Variants in TACC2 observed in about 807,000 individuals in gnomAD.
TACC2 encodes transforming acidic coiled-coil-containing protein 2.
Under a neutral mutation model 227.3 loss-of-function variants are expected in TACC2, and 137 were observed. That is an observed-to-expected ratio of 0.60 (90% confidence interval 0.52 to 0.69). The LOEUF (loss-of-function observed/expected upper bound fraction) is 0.69. Among genes scored for constraint, TACC2 ranks in the 30% least tolerant of loss-of-function variants. The pLI, the probability that TACC2 is intolerant of heterozygous loss-of-function variation, is 0.00. For missense variants in TACC2, 3,470 were observed against 3,694.4 expected, an observed-to-expected ratio of 0.94 and a Z score of 1.57; for synonymous variants, 1,523 against 1,487.5, an observed-to-expected ratio of 1.02 and a Z score of -0.55.
intron 1 of TACC2, among the ~76,000 whole-genome samples, chr10:122,007,735 A>G (rs748088428): frequency 2.6e-5 from 4 of 151,780 alleles, no homozygotes; most frequent in Admixed American, 6.6e-5. Context: ...TCTTTTCCCC[A>G]TTTAACACTG....
intron 2 of TACC2, among the ~76,000 whole-genome samples, chr10:122,027,548 G>A (rs887547888): frequency 1.3e-5 from 2 of 151,974 alleles, no homozygotes; most frequent in African/African-American, 4.8e-5. Context: ...AGGCATATTT[G>A]TGTGGCTCTG....
intron 1 of TACC2, among the ~76,000 whole-genome samples, chr10:122,021,281 G>A (rs1957316604): frequency 6.6e-6 from 1 of 151,388 alleles, no homozygotes; most frequent in African/African-American, 2.4e-5. Context: ...ATGTCACTAA[G>A]TGAGCTCATG....
intron 2 of TACC2, among the ~76,000 whole-genome samples, chr10:122,030,091 A>G (rs1205659410): frequency 6.6e-6 from 1 of 152,196 alleles, no homozygotes; most frequent in Non-Finnish European, 1.5e-5. Context: ...ACAATAAAGA[A>G]TTATCCAGCA....
Position 122,229,441 on chromosome 10 carries a change from CGA to C in TACC2, c.7993_7994del (p.Asp2665LeufsTer68). Reference sequence around the variant, plus strand: ...GTGGTGCACTTGACTATCTGGAGCCCGACTTAGCAGAAAAGAACCCCCCACTA... The same window carrying C: ...GTGGTGCACTTGACTATCTGGAGCCCCTTAGCAGAAAAGAACCCCCCACTA... ...LCGALDYLEP[D>X]LAEKNPPLFA... On this transcript the variant is annotated frameshift_variant, in exon 15 of 23. Transcript: ENST00000369005. LOFTEE classifies it high-confidence loss of function. The C allele has an allele frequency of 6.2e-7, 1 of 1,613,968 alleles. No individual in the cohort carries two copies. The highest frequency in any genetic ancestry group is 8.5e-7 in the Non-Finnish European group (1 of 1,180,004).
intron 5 of TACC2, among the ~76,000 whole-genome samples, chr10:122,096,385 G>A (rs1165611711): frequency 6.6e-6 from 1 of 152,142 alleles, no homozygotes; most frequent in Non-Finnish European, 1.5e-5. Flanking sequence ...AAACCCCCCG[G>A]TGGCCACACC....
At chr10:122,233,328 C>T (rs2095794853) in intron 16 of TACC2, among the ~76,000 whole-genome samples, 2 of 152,184 alleles carry the variant, frequency 1.3e-5, no homozygotes, top group South Asian at 4.1e-4. Context: ...GGTGGCTCTC[C>T]AAGAGGCACA....
intron 1 of TACC2, among the ~76,000 whole-genome samples, chr10:121,996,173 C>T (rs1953459271): frequency 6.6e-6 from 1 of 152,120 alleles, no homozygotes; most frequent in Non-Finnish European, 1.5e-5. Context: ...CCCACCTCAG[C>T]CCCCCGAGTA....
intron 11 of TACC2, 133 bp downstream of exon 11, chr10:122,216,961 T>G: frequency 6.6e-7 from 1 of 1,525,604 alleles, no homozygotes. Flanking sequence ...TCTGCACGTC[T>G]CCCGCTGCAC....
At chr10:122,007,569 A>G (rs1048479554) in intron 1 of TACC2, among the ~76,000 whole-genome samples, 2 of 152,118 alleles carry the variant, frequency 1.3e-5, no homozygotes, top group Admixed American at 6.5e-5. Context: ...TTTTTATGGC[A>G]CTGAGGTGTT....
intron 16 of TACC2, among the ~76,000 whole-genome samples, chr10:122,231,727 G>T (rs2095754254): frequency 1.3e-5 from 2 of 152,214 alleles, no homozygotes; most frequent in Admixed American, 1.3e-4. Flanking sequence ...TGTAGTTCCA[G>T]CTACTCGGGA....
chr10:122,132,067 A>AGGAAGGAAGG (rs57429902), intron 5 of TACC2, among the ~76,000 whole-genome samples: 1,591 of 28,802 alleles, frequency 0.055, 96 homozygotes, highest in East Asian at 0.16. Context: ...AAAGAAAGAA[A>AGGAAGGAAGG]AAGAAAGAAA....
At chr10:122,013,533 G>A (rs914463349) in intron 1 of TACC2, among the ~76,000 whole-genome samples, 6 of 152,210 alleles carry the variant, frequency 3.9e-5, no homozygotes, top group Admixed American at 6.5e-5. Context: ...CCTAGGATGA[G>A]GGCTGGGCTA....
chr10:122,118,095 C>A (rs2085053604), intron 5 of TACC2, among the ~76,000 whole-genome samples: 1 of 150,902 alleles, frequency 6.6e-6, no homozygotes, highest in African/African-American at 2.4e-5. Flanking sequence ...CTCACGGCAA[C>A]CCCTGCTTCC....
intron 3 of TACC2, among the ~76,000 whole-genome samples, chr10:122,067,687 G>C (rs2077539389): frequency 6.6e-6 from 1 of 152,014 alleles, no homozygotes; most frequent in African/African-American, 2.4e-5. Flanking sequence ...TTGTATGTTA[G>C]TAGAGATGGG....
At chr10:122,112,433 T>C (rs1432309261) in intron 5 of TACC2, among the ~76,000 whole-genome samples, 8 of 152,200 alleles carry the variant, frequency 5.3e-5, no homozygotes, top group African/African-American at 4.8e-5. Flanking sequence ...AACAGCCAAA[T>C]AGAACGCACG....
At chr10:122,236,340 A>C (rs1462873284) in intron 16 of TACC2, among the ~76,000 whole-genome samples, 1 of 152,230 alleles carries the variant, frequency 6.6e-6, no homozygotes, top group Non-Finnish European at 1.5e-5. Flanking sequence ...TCCCAAGGGA[A>C]GAAGCAGCCT....
chr10:122,058,326 G>A (rs1422240720), intron 3 of TACC2, among the ~76,000 whole-genome samples: 4 of 152,106 alleles, frequency 2.6e-5, no homozygotes, highest in African/African-American at 9.7e-5. Flanking sequence ...CCTGCTTCCG[G>A]CTTCCGCTGC....
intron 19 of TACC2, among the ~76,000 whole-genome samples, chr10:122,243,748 A>G (rs1039726374): frequency 2.0e-5 from 3 of 152,148 alleles, no homozygotes; most frequent in African/African-American, 7.2e-5. Context: ...ATTTGAGAAC[A>G]TCACTCAGGC....
At chr10:122,223,445 A>T (rs2095561773) in intron 11 of TACC2, among the ~76,000 whole-genome samples, 1 of 152,162 alleles carries the variant, frequency 6.6e-6, no homozygotes, top group Non-Finnish European at 1.5e-5. Flanking sequence ...AGTTGGAAAC[A>T]CACTTTCTCT....
Sources: allele counts gnomAD v4.1 joint callset (sites outside exome capture counted in the v4.1 genomes callset), GRCh38; gene constraint gnomAD v4.1.1; transcripts MANE v1.5; gene names NCBI Gene and HGNC (gene_info 2026-07-23, HGNC 2026-07-21).